Variants in MAF observed in about 807,000 individuals in gnomAD.
MAF encodes MAF bZIP transcription factor.
Under a neutral mutation model 22.0 loss-of-function variants are expected in MAF, and 10 were observed. The ratio of observed to expected loss-of-function variants is 0.45; its 90% CI spans 0.28 to 0.77. MAF has a LOEUF of 0.77. Among genes scored for constraint, MAF ranks in the 30% least tolerant of loss-of-function variants. MAF has a pLI of 0.12. For synonymous variants in MAF, 337 were observed against 255.8 expected (o/e 1.32, Z -3.03); for missense variants, 544 against 548.4 (o/e 0.99, Z 0.08).
the MAF span, among the ~76,000 whole-genome samples, chr16:79,245,503 TGA>T: frequency 6.6e-6 from 1 of 152,000 alleles, no homozygotes; most frequent in South Asian, 2.1e-4. Context: ...GAAACCACAA[TGA>T]GATACCATCT....
At chr16:79,304,540 T>C in the MAF span, among the ~76,000 whole-genome samples, 2 of 152,200 alleles carry the variant, frequency 1.3e-5, no homozygotes, top group Non-Finnish European at 2.9e-5. Context: ...CTACCAGAAC[T>C]AGCCCTTTTG....
the MAF span, among the ~76,000 whole-genome samples, chr16:79,350,667 G>A: frequency 6.6e-6 from 1 of 152,166 alleles, no homozygotes; most frequent in Non-Finnish European, 1.5e-5. Flanking sequence ...GGACCCAGTA[G>A]AGGGCAGAGC....
chr16:79,293,589 G>A, the MAF span, among the ~76,000 whole-genome samples: 1 of 152,212 alleles, frequency 6.6e-6, no homozygotes. Context: ...AAATTGCTCA[G>A]TGAGGTCAGA....
chr16:79,381,664 TAC>T, the MAF span, among the ~76,000 whole-genome samples: 1 of 152,190 alleles, frequency 6.6e-6, no homozygotes, highest in Non-Finnish European at 1.5e-5. Context: ...CTTTGGTAGC[TAC>T]AGTGTGAATC....
At chr16:79,405,689 C>T in the MAF span, among the ~76,000 whole-genome samples, 2 of 152,158 alleles carry the variant, frequency 1.3e-5, no homozygotes, top group African/African-American at 4.8e-5. Flanking sequence ...AAGTTGTGAC[C>T]TTAACTGTAG....
the MAF span, among the ~76,000 whole-genome samples, chr16:79,364,809 G>T: frequency 3.3e-5 from 5 of 152,186 alleles, no homozygotes; most frequent in East Asian, 1.9e-4. Flanking sequence ...CAGAACTATT[G>T]CATGTGTAGA....
chr16:79,554,367 C>A, the MAF span, among the ~76,000 whole-genome samples: 1 of 152,114 alleles, frequency 6.6e-6, no homozygotes, highest in African/African-American at 2.4e-5. Flanking sequence ...CCTAATCTCC[C>A]AGATCCTCAT....
chr16:79,511,820 A>G, the MAF span, among the ~76,000 whole-genome samples: 2 of 152,216 alleles, frequency 1.3e-5, no homozygotes, highest in South Asian at 2.1e-4. Context: ...TAGAACCAAC[A>G]TTGGAATTCA....
At chr16:79,447,448 GCT>G in the MAF span, among the ~76,000 whole-genome samples, 1 of 152,100 alleles carries the variant, frequency 6.6e-6, no homozygotes, top group Non-Finnish European at 1.5e-5. Flanking sequence ...TTTCATGCCT[GCT>G]AACAGAATAT....
At chr16:79,286,301 T>G in the MAF span, among the ~76,000 whole-genome samples, 3 of 152,236 alleles carry the variant, frequency 2.0e-5, no homozygotes. Flanking sequence ...GAGGTGATGA[T>G]GCAAAGTGAA....
the MAF span, among the ~76,000 whole-genome samples, chr16:79,249,755 T>C: frequency 6.6e-6 from 1 of 150,984 alleles, no homozygotes; most frequent in Non-Finnish European, 1.5e-5. Flanking sequence ...CCTCCCTCCC[T>C]TCCTCCCTTC....
chr16:79,395,590 A>G, the MAF span, among the ~76,000 whole-genome samples: 3 of 152,124 alleles, frequency 2.0e-5, no homozygotes, highest in African/African-American at 7.2e-5. Flanking sequence ...GGAGCATCGC[A>G]TCTGCAAGTC....
the MAF span, among the ~76,000 whole-genome samples, chr16:79,258,506 G>C: frequency 2.6e-5 from 4 of 152,186 alleles, no homozygotes; most frequent in African/African-American, 9.7e-5. Flanking sequence ...CTGTAATGGA[G>C]CTAGCCTGCA....
At chr16:79,390,950 C>T in the MAF span, among the ~76,000 whole-genome samples, 1 of 152,160 alleles carries the variant, frequency 6.6e-6, no homozygotes, top group African/African-American at 2.4e-5. Context: ...GCTACTGTCT[C>T]TCAGCCCTCA....
chr16:79,585,051 G>T (rs1912754697), downstream of MAF, among the ~76,000 whole-genome samples: 1 of 152,094 alleles, frequency 6.6e-6, no homozygotes, highest in African/African-American at 2.4e-5. Context: ...TTCTCAGCAA[G>T]CACAATTTTT....
chr16:79,460,475 A>G, the MAF span, among the ~76,000 whole-genome samples: 2 of 152,166 alleles, frequency 1.3e-5, no homozygotes, highest in Admixed American at 1.3e-4. Flanking sequence ...CTATTACTCT[A>G]TTTGTCCATT....
At chr16:79,576,542 G>A in the MAF span, among the ~76,000 whole-genome samples, 1 of 151,256 alleles carries the variant, frequency 6.6e-6, no homozygotes, top group Admixed American at 6.6e-5. Flanking sequence ...TTTTTCAGGA[G>A]GAGTGCTATT....
chr16:79,379,908 A>G, the MAF span, among the ~76,000 whole-genome samples: 1 of 152,196 alleles, frequency 6.6e-6, no homozygotes, highest in South Asian at 2.1e-4. Context: ...TTGAGCTCAG[A>G]GACTCCCCTC....
At chr16:79,240,634 G>A in the MAF span, among the ~76,000 whole-genome samples, 2 of 150,264 alleles carry the variant, frequency 1.3e-5, no homozygotes, top group Non-Finnish European at 3.0e-5. Flanking sequence ...AGACTTAAAC[G>A]ACCTGGCCTG....
Sources: allele counts gnomAD v4.1 joint callset (sites outside exome capture counted in the v4.1 genomes callset), GRCh38; gene constraint gnomAD v4.1.1; transcripts MANE v1.5; gene names NCBI Gene and HGNC (gene_info 2026-07-23, HGNC 2026-07-21).